PON1: variants seen among roughly 807,000 people sequenced by gnomAD.
The protein encoded by PON1 is serum paraoxonase/arylesterase 1.
A neutral mutation model predicts 39.2 loss-of-function variants in PON1; 37 were observed. The observed-to-expected ratio is 0.94, with a 90% CI of 0.73 to 1.24. The LOEUF (loss-of-function observed/expected upper bound fraction) is 1.24, where lower values mean the gene tolerates loss of function less well. Ranked by LOEUF, PON1 falls within the 50% of genes most tolerant of loss-of-function variation. The pLI is 0.00. For missense variants in PON1, 397 were observed against 413.5 expected (o/e 0.96, Z 0.35); for synonymous variants, 148 against 152.2 (o/e 0.97, Z 0.21).
At chr7:95,307,755 A>G (rs1442314416) in intron 6 of PON1, among the ~76,000 whole-genome samples, 2 of 152,182 alleles carry the variant, frequency 1.3e-5, no homozygotes, top group African/African-American at 4.8e-5. Flanking sequence ...CAGACATATC[A>G]AATCTTCATC....
intron 1 of PON1, among the ~76,000 whole-genome samples, chr7:95,319,971 A>G (rs1195485179): frequency 6.6e-6 from 1 of 152,114 alleles, no homozygotes; most frequent in Non-Finnish European, 1.5e-5. Context: ...TACTAAATTG[A>G]CTTTGTTACC....
At chr7:95,318,184 G>T in intron 2 of PON1, 139 bp downstream of exon 2, 2 of 706,912 alleles carry the variant, frequency 2.8e-6, no homozygotes, top group East Asian at 2.8e-5. Context: ...AAACAACATG[G>T]TATTTATCAT....
At position 95,315,408 on chromosome 7, in the gene PON1, G is replaced by T. The variant is rs1807744986; in HGVS notation, c.284C>A (p.Pro95Gln). ...ILLMDLNEED[P>Q]TVLELGITGS... ...AGTGATCCCCAATTCCAACACTGTT[G>T]GATCTTCTTCATTCAGGTCCATCAG... The change falls in exon 4 of 9, where the codon CCA becomes CAA. Residue 95 changes from proline to glutamine, a missense_variant. Pro to Gln is a moderately conservative substitution (Grantham distance 76, BLOSUM62 -1). Transcript: ENST00000222381. The T allele has an allele frequency of 2.5e-6, 4 of 1,613,566 alleles. No individual in the cohort carries two copies. The highest frequency in any genetic ancestry group is 1.7e-5 in the Admixed American group (1 of 60,016).
At position 95,322,296 on chromosome 7, in the gene PON1, T is replaced by C. The variant is rs1421293819; in HGVS notation, c.74+2106A>G. 3.3e-5 allele frequency among the ~76,000 whole-genome samples: 3 copies of C among 89,654 alleles called. No homozygotes were observed. In the Admixed American group the frequency reaches 4.3e-4, roughly 13 times the overall value. The allele number at this position is 89,654 out of a possible 152,430, so 58.8% of individuals were successfully genotyped here. The stretch of plus-strand genomic sequence containing the variant: ...TTATATATATATATATACTTAGTTT[T>C]ATTTATATGTTTTATATAAATATAA... On this transcript the variant is annotated intron_variant, in intron 1 of 8. Transcript: ENST00000222381.
In PON1 at chr7:95,299,093, T is replaced by C; in HGVS notation, c.919A>G (p.Ile307Val). Residue 307 changes from isoleucine (I) to valine (V), a missense_variant, in exon 9 of 9, where the codon ATC becomes GTC. Transcript: ENST00000222381. ...ENPPASEVLRIQNILTEEPKV... is the reference protein window; with the variant it reads ...ENPPASEVLRVQNILTEEPKV... ...GGTTCTTCTGTTAGAATGTTCTGGA[T>C]TCGAAGCACCTGTGGAAGAAATAAC... is the stretch of plus-strand genomic sequence containing the variant. 6.2e-7 allele frequency: 1 copy of C among 1,614,078 alleles called. No homozygotes were observed. Among genetic ancestry groups the C allele is most frequent in the East Asian group, 2.2e-5 (1 of 44,884 alleles).
chr7:95,314,747 AAT>A (rs1807728375), intron 4 of PON1, among the ~76,000 whole-genome samples: 1 of 152,200 alleles, frequency 6.6e-6, no homozygotes. Context: ...GCTGAAAATT[AAT>A]ACAGAGACAA....
At chr7:95,311,001 G>A (rs757330645) in intron 5 of PON1, among the ~76,000 whole-genome samples, 4 of 152,260 alleles carry the variant, frequency 2.6e-5, no homozygotes, top group African/African-American at 4.8e-5. Context: ...AAACAGCAGC[G>A]GAGGCAGTAT....
At chr7:95,316,910 G>A (rs769171746) in intron 2 of PON1, 121 bp from the exon 3 acceptor site, 71 of 756,324 alleles carry the variant, frequency 9.4e-5, no homozygotes, top group Non-Finnish European at 1.5e-4. Context: ...AATAGGTTCA[G>A]AATAATTCAT....
chr7:95,313,005 A>G (rs1807689039), intron 4 of PON1, among the ~76,000 whole-genome samples: 1 of 152,216 alleles, frequency 6.6e-6, no homozygotes, highest in Non-Finnish European at 1.5e-5. Context: ...TATTTGAACC[A>G]AGGAGTAACA....
At chr7:95,316,471 T>G (rs1364042113) in intron 3 of PON1, among the ~76,000 whole-genome samples, 1 of 152,188 alleles carries the variant, frequency 6.6e-6, no homozygotes, top group East Asian at 1.9e-4. Context: ...AATTCTTGAA[T>G]ACACTGAACT....
intron 7 of PON1, among the ~76,000 whole-genome samples, chr7:95,304,865 A>C (rs1365695323): frequency 1.3e-5 from 2 of 152,218 alleles, no homozygotes; most frequent in Non-Finnish European, 2.9e-5. Flanking sequence ...TCTGTTGCTG[A>C]AACTGGCCTT....
chr7:95,299,122 G>A lies in PON1; in HGVS notation c.910-20C>T. The stretch of plus-strand genomic sequence containing the variant: ...AAGCACCTGTGGAAGAAATAACATT[G>A]GGTTAATATTTTTGTTAAGTCACTT... On this transcript the variant is annotated intron_variant, in intron 8 of 8. Transcript: ENST00000222381. 6.2e-7 allele frequency: 1 copy of A among 1,612,354 alleles called. No individual in the cohort carries two copies. The highest frequency in any genetic ancestry group is 8.5e-7 in the Non-Finnish European group (1 of 1,178,468).
At chr7:95,299,390 G>GA (rs765677154) in intron 8 of PON1, among the ~76,000 whole-genome samples, 1 of 152,142 alleles carries the variant, frequency 6.6e-6, no homozygotes. Context: ...GAGCAGTGGG[G>GA]ATTTCAGTAA....
In PON1 at chr7:95,299,012, C is replaced by T. The variant is rs1426889040; in HGVS notation, c.1000G>A (p.Ala334Thr). Residue 334 changes from alanine (A) to threonine (T), a missense_variant, in exon 9 of 9, where the codon GCC becomes ACC. By Grantham distance (58) the Ala-to-Thr change is moderately conservative. Coordinates refer to ENST00000222381, the MANE Select transcript of PON1 (RefSeq NM_000446.7). Reference protein sequence around the residue: ...NGTVLQGSTVASVYKGKLLIG... With the variant: ...NGTVLQGSTVTSVYKGKLLIG... ...AGCAGTTTCCCTTTGTACACAGAGG[C>T]AACTGTACTGCCTTGCAACACTGTG... The T allele has an allele frequency of 6.2e-7, 1 of 1,613,990 alleles. No homozygotes were observed. The highest frequency in any genetic ancestry group is 1.3e-5 in the African/African-American group (1 of 74,918).
At chr7:95,307,926 A>G in intron 6 of PON1, 85 bp downstream of exon 6, 1 of 1,276,892 alleles carries the variant, frequency 7.8e-7, no homozygotes, top group South Asian at 1.2e-5. Flanking sequence ...GTTAAAATGT[A>G]TCATATTACT....
At chr7:95,306,753 G>A (rs3917546) in intron 6 of PON1, among the ~76,000 whole-genome samples, 59 of 152,120 alleles carry the variant, frequency 3.9e-4, no homozygotes, top group African/African-American at 1.3e-3. Flanking sequence ...AAAGCCCTTG[G>A]ACAACAGCCC....
At position 95,318,624 on chromosome 7, in the gene PON1, A is replaced by G. The variant is rs375401745; in HGVS notation, c.75-231T>C. 179 of 484,020 alleles carry G rather than the reference A, an allele frequency of 3.7e-4. 1 individual carries two copies. The highest frequency in any genetic ancestry group is 3.5e-3 in the Middle Eastern group (6 of 1,692). The allele number at this position is 484,020 out of a possible 1,614,324, so 30.0% of individuals were successfully genotyped here. ...GTGGATAGGTACACATAAGAGATAC[A>G]TAATATCCTCTCTAGGGCTCTGTGT... is the stretch of plus-strand genomic sequence containing the variant. On this transcript the variant is annotated intron_variant, in intron 1 of 8. Transcript: ENST00000222381.
chr7:95,306,351 A>G lies in PON1; in HGVS notation c.714T>C (p.Ala238=), dbSNP rs372889612. ...ISPDGKYVYI[A]ELLAHKIHVY... ...CATGAATCTTATGAGCCAGCAACTC[A>G]GCTATATAGACATACCTTCAAAGAA... Residue 238 remains alanine, a synonymous_variant, in exon 7 of 9, where the codon GCT becomes GCC. Coordinates refer to ENST00000222381, the MANE Select transcript of PON1 (RefSeq NM_000446.7). 11 of 1,609,944 alleles carry G rather than the reference A, an allele frequency of 6.8e-6. No homozygotes were observed. The highest frequency in any genetic ancestry group is 2.2e-5 in the East Asian group (1 of 44,844).
intron 1 of PON1, among the ~76,000 whole-genome samples, chr7:95,324,088 C>A (rs1377432737): frequency 1.3e-5 from 2 of 152,180 alleles, no homozygotes; most frequent in Non-Finnish European, 2.9e-5. Flanking sequence ...TTGTTTCTTT[C>A]CAGGTTGAGA....
Sources: gnomAD v4.1 joint callset for allele counts (sites outside exome capture counted in the v4.1 genomes callset) on GRCh38, gnomAD v4.1.1 for gene constraint, MANE v1.5 for transcripts, NCBI Gene and HGNC (gene_info 2026-07-23, HGNC 2026-07-21) for gene names.